NKAIN3: variants seen among roughly 807,000 people sequenced by gnomAD.
The protein encoded by NKAIN3 is sodium/potassium-transporting ATPase subunit beta-1-interacting protein 3.
Under a neutral mutation model 30.2 loss-of-function variants are expected in NKAIN3, and 25 were observed. That is an observed-to-expected ratio of 0.83 (90% confidence interval 0.60 to 1.16). NKAIN3 has a LOEUF of 1.16. NKAIN3 is among the 50% of genes most tolerant of loss of function. NKAIN3 has a pLI of 0.00. For synonymous variants in NKAIN3, 91 were observed against 89.6 expected (o/e 1.02, Z -0.09); for missense variants, 225 against 254.1 (o/e 0.89, Z 0.78).
rs190762170 is a variant in NKAIN3 at position 62,798,361 on chromosome 8, G to A, written c.471+51232G>A. ...CTGAGGTGGGCGGATCATGAGGTCA[G>A]GAGATCGAGACCATCCTGGCTAACA... On this transcript the variant is annotated intron_variant, in intron 4 of 6. Coordinates refer to ENST00000623646, the MANE Select transcript of NKAIN3 (RefSeq NM_001304533.3). Among the ~76,000 whole-genome samples, 815 of 152,240 alleles carry A rather than the reference G, an allele frequency of 5.4e-3. 2 individuals carry two copies. Among genetic ancestry groups the A allele is most frequent in the African/African-American group, 0.018 (754 of 41,542 alleles).
chr8:62,650,334 C>T (rs1209382264), intron 3 of NKAIN3, among the ~76,000 whole-genome samples: 4 of 152,100 alleles, frequency 2.6e-5, no homozygotes, highest in Non-Finnish European at 4.4e-5. Context: ...TCTAATTGGT[C>T]TTGGTGCCTA....
chr8:62,279,749 C>T (rs545470123), intron 1 of NKAIN3, among the ~76,000 whole-genome samples: 126 of 152,242 alleles, frequency 8.3e-4, no homozygotes, highest in African/African-American at 2.2e-3. Flanking sequence ...GTTTTGGTAC[C>T]AGTACCATGC....
At chr8:62,497,212 C>T (rs770746302) in intron 1 of NKAIN3, among the ~76,000 whole-genome samples, 6 of 151,712 alleles carry the variant, frequency 4.0e-5, no homozygotes, top group Non-Finnish European at 8.8e-5. Context: ...AATCAAAATG[C>T]ACAATTTAAT....
At chr8:62,563,770 TACCCAATCTGC>T (rs1298639320) in intron 1 of NKAIN3, among the ~76,000 whole-genome samples, 1 of 152,206 alleles carries the variant, frequency 6.6e-6, no homozygotes, top group Non-Finnish European at 1.5e-5. Context: ...GGATGTTATG[TACCCAATCTGC>T]AGCTATTGTT....
chr8:62,251,649 A>C (rs1013104184), intron 1 of NKAIN3, among the ~76,000 whole-genome samples: 1 of 152,212 alleles, frequency 6.6e-6, no homozygotes, highest in African/African-American at 2.4e-5. Context: ...AGCTATTGAC[A>C]ATGTAATGTC....
chr8:62,850,709 G>C (rs1222163631), intron 4 of NKAIN3, among the ~76,000 whole-genome samples: 2 of 151,054 alleles, frequency 1.3e-5, no homozygotes, highest in Non-Finnish European at 3.0e-5. Context: ...TTATTAAATA[G>C]GGAATCCTTT....
chr8:62,538,507 C>T (rs991326464), intron 1 of NKAIN3, among the ~76,000 whole-genome samples: 1 of 152,088 alleles, frequency 6.6e-6, no homozygotes, highest in Non-Finnish European at 1.5e-5. Context: ...CTTAACTTTT[C>T]CCCCCTCCAA....
intron 4 of NKAIN3, among the ~76,000 whole-genome samples, chr8:62,756,229 T>C (rs1334560744): frequency 6.6e-6 from 1 of 152,148 alleles, no homozygotes. Context: ...CACCACCCCT[T>C]AGCTATCACA....
chr8:62,368,529 C>G (rs1332661915), intron 1 of NKAIN3, among the ~76,000 whole-genome samples: 2 of 129,938 alleles, frequency 1.5e-5, no homozygotes, highest in Non-Finnish European at 1.6e-5. Context: ...AATGAAGGCA[C>G]TGGTATTAAA....
rs1367341917 is a variant in NKAIN3 at position 62,311,873 on chromosome 8, A to ACTC, written c.54+62746_54+62747insCTC. ...CCATTCTCCCACTCTGCAAAGTAAA[A>ACTC]GGCTAACTCTCACCCACCCCTCATT... On this transcript the variant is annotated intron_variant, in intron 1 of 6. Transcript: ENST00000623646. Among the ~76,000 whole-genome samples the ACTC allele has an allele frequency of 5.3e-5, 8 of 150,528 alleles. No individual in the cohort carries two copies. The East Asian group carries it at 9.7e-4, about 18-fold the overall frequency.
chr8:62,986,262 G>T (rs1824196126), downstream of NKAIN3, among the ~76,000 whole-genome samples: 1 of 152,210 alleles, frequency 6.6e-6, no homozygotes, highest in South Asian at 2.1e-4. Flanking sequence ...AGTCCATCCT[G>T]TGGAACGCAG....
At chr8:62,370,984 G>T (rs1439546601) in intron 1 of NKAIN3, among the ~76,000 whole-genome samples, 1 of 151,918 alleles carries the variant, frequency 6.6e-6, no homozygotes, top group Non-Finnish European at 1.5e-5. Context: ...AAATCTTAGA[G>T]AACATTTTTA....
chr8:62,511,232 G>A (rs993647084), intron 1 of NKAIN3, among the ~76,000 whole-genome samples: 2 of 152,078 alleles, frequency 1.3e-5, no homozygotes, highest in South Asian at 2.1e-4. Context: ...ATTTCAGGTT[G>A]CCTCTCTGCA....
At chr8:62,864,846 G>A (rs991125561) in intron 4 of NKAIN3, among the ~76,000 whole-genome samples, 29 of 152,256 alleles carry the variant, frequency 1.9e-4, no homozygotes, top group South Asian at 1.5e-3. Flanking sequence ...AACACTTCAC[G>A]GAAGACATCC....
intron 4 of NKAIN3, among the ~76,000 whole-genome samples, chr8:62,765,758 A>G (rs1003315199): frequency 6.6e-6 from 1 of 152,306 alleles, no homozygotes; most frequent in Admixed American, 6.5e-5. Flanking sequence ...TTGTCAATAT[A>G]TAACTATAAT....
intron 1 of NKAIN3, among the ~76,000 whole-genome samples, chr8:62,388,585 C>T (rs1379463432): frequency 1.3e-5 from 2 of 152,236 alleles, no homozygotes; most frequent in Non-Finnish European, 2.9e-5. Context: ...TGATATTGAA[C>T]ACCAAGTGCT....
intron 1 of NKAIN3, among the ~76,000 whole-genome samples, chr8:62,514,131 G>A (rs1055620195): frequency 5.9e-5 from 9 of 152,010 alleles, no homozygotes; most frequent in African/African-American, 2.2e-4. Flanking sequence ...AGAATTCCCA[G>A]CTTACTCTCA....
intron 1 of NKAIN3, among the ~76,000 whole-genome samples, chr8:62,249,588 C>T (rs1049896103): frequency 6.6e-6 from 1 of 152,226 alleles, no homozygotes; most frequent in Non-Finnish European, 1.5e-5. Flanking sequence ...GAGACAGAAG[C>T]TGCCTCAACT....
At chr8:62,941,222 G>A (rs1230677852) in intron 5 of NKAIN3, among the ~76,000 whole-genome samples, 1 of 151,930 alleles carries the variant, frequency 6.6e-6, no homozygotes, top group African/African-American at 2.4e-5. Context: ...ACCCTGAGCA[G>A]ACCAATAACA....
Sources: gnomAD v4.1 joint callset for allele counts (sites outside exome capture counted in the v4.1 genomes callset) on GRCh38, gnomAD v4.1.1 for gene constraint, MANE v1.5 for transcripts, NCBI Gene and HGNC (gene_info 2026-07-23, HGNC 2026-07-21) for gene names.